The following EVC2 variants were observed in gnomAD, a reference collection of about 807,000 sequenced individuals.
The protein encoded by EVC2 is limbin.
In EVC2, 148 loss-of-function variants were observed where a neutral mutation model predicts 149.3. The ratio of observed to expected loss-of-function variants is 0.99; its 90% confidence interval spans 0.87 to 1.14. The LOEUF (loss-of-function observed/expected upper bound fraction) is 1.14, where lower values mean the gene tolerates loss of function less well. EVC2 is among the 50% of genes most tolerant of loss of function. EVC2 has a pLI of 0.00. For missense variants in EVC2, 1,854 were observed against 1,627.3 expected (o/e 1.14, Z -2.40); for synonymous variants, 776 against 649.9 (o/e 1.19, Z -2.95).
chr4:5,616,735 T>C (rs953288897), intron 15 of EVC2, among the ~76,000 whole-genome samples: 1 of 152,174 alleles, frequency 6.6e-6, no homozygotes, highest in African/African-American at 2.4e-5. Context: ...GAGCTGCGGC[T>C]CCATCCGTGC....
At chr4:5,591,109 C>G (rs1712755970) in intron 16 of EVC2, among the ~76,000 whole-genome samples, 1 of 152,088 alleles carries the variant, frequency 6.6e-6, no homozygotes, top group South Asian at 2.1e-4. Context: ...GACACAGGAC[C>G]CATGAAGGGG....
At chr4:5,574,890 T>C in intron 18 of EVC2, 118 bp from the exon 19 acceptor site, 1 of 1,076,106 alleles carries the variant, frequency 9.3e-7, no homozygotes, top group East Asian at 2.6e-5. Flanking sequence ...TTTAAAAATA[T>C]GTCCATAGAA....
chr4:5,540,735 T>C (rs567818834), downstream of EVC2, among the ~76,000 whole-genome samples: 3 of 152,296 alleles, frequency 2.0e-5, no homozygotes, highest in African/African-American at 4.8e-5. Flanking sequence ...ATTGTCTTGA[T>C]TGTGGTGATG....
intron 1 of EVC2, among the ~76,000 whole-genome samples, chr4:5,702,345 G>C (rs1721878237): frequency 6.6e-6 from 1 of 152,134 alleles, no homozygotes. Flanking sequence ...CCTGCTCCAA[G>C]AATGCAGGTT....
chr4:5,669,375 T>TA (rs1265762556), intron 7 of EVC2, among the ~76,000 whole-genome samples: 2 of 152,306 alleles, frequency 1.3e-5, no homozygotes, highest in East Asian at 3.9e-4. Flanking sequence ...GCAAAGAGAT[T>TA]AAAAAATTAA....
At chr4:5,588,532 C>T (rs969900512) in intron 16 of EVC2, among the ~76,000 whole-genome samples, 1 of 152,152 alleles carries the variant, frequency 6.6e-6, no homozygotes, top group African/African-American at 2.4e-5. Flanking sequence ...ATTACCCACA[C>T]ATTAGGCCGC....
At chr4:5,553,238 G>A (rs1444756430) in intron 21 of EVC2, among the ~76,000 whole-genome samples, 3 of 152,170 alleles carry the variant, frequency 2.0e-5, no homozygotes, top group African/African-American at 4.8e-5. Flanking sequence ...AGGAGCAAGT[G>A]GAGTTGGTGG....
intron 17 of EVC2, among the ~76,000 whole-genome samples, chr4:5,583,168 T>A (rs1260560108): frequency 6.6e-6 from 1 of 152,238 alleles, no homozygotes; most frequent in East Asian, 1.9e-4. Flanking sequence ...TGTAAATGGA[T>A]GTTTTAATGT....
intron 19 of EVC2, among the ~76,000 whole-genome samples, chr4:5,571,556 TCTCCCCACTTC>T (rs1443649800): frequency 3.9e-5 from 6 of 152,102 alleles, no homozygotes. Flanking sequence ...GGACAGCCTC[TCTCCCCACTTC>T]CTCCCTGCTC....
the EVC2 span, among the ~76,000 whole-genome samples, chr4:5,531,584 A>G: frequency 5.3e-5 from 8 of 152,130 alleles, no homozygotes; most frequent in Admixed American, 6.6e-5. Flanking sequence ...TGGCGGCATT[A>G]GATTATCTTA....
intron 14 of EVC2, among the ~76,000 whole-genome samples, chr4:5,620,157 A>G (rs142624249): frequency 2.6e-5 from 4 of 152,268 alleles, no homozygotes; most frequent in South Asian, 2.1e-4. Context: ...ATGGGGCCCA[A>G]CGATTTTTAA....
At chr4:5,607,950 G>A (rs1264264812) in intron 16 of EVC2, among the ~76,000 whole-genome samples, 4 of 152,044 alleles carry the variant, frequency 2.6e-5, no homozygotes, top group Non-Finnish European at 4.4e-5. Flanking sequence ...GGAGGAGACA[G>A]GGGAGGCAGT....
At position 5,622,592 on chromosome 4, in the gene EVC2, C is replaced by T. The variant is rs1023896680; in HGVS notation, c.2446G>A (p.Glu816Lys). The T allele has an allele frequency of 6.2e-7, 1 of 1,613,916 alleles. No individual in the cohort carries two copies. Among genetic ancestry groups the T allele is most frequent in the Non-Finnish European group, 8.5e-7 (1 of 1,180,002 alleles). Residue 816 changes from glutamate to lysine, a missense_variant, in exon 14 of 22, where the codon GAG becomes AAG. Physicochemically the swap from Glu to Lys is moderately conservative, Grantham distance 56. Transcript: ENST00000344408. This position sits in a 1 kb window ranked among gnomAD's most constrained non-coding sequence, Gnocchi z 5.8. Reference sequence around the variant, plus strand: ...TCTGCCTGCTCCTCTGTCACGGCCTCAGGAGCGTCATCCTTCAGTCTCTGC... The same window carrying T: ...TCTGCCTGCTCCTCTGTCACGGCCTTAGGAGCGTCATCCTTCAGTCTCTGC... ...VRQRLKDDAP[E>K]AVTEEQAELR...
Position 5,679,361 on chromosome 4 carries a change from G to A in EVC2, c.870+1899C>T, listed in dbSNP as rs1293874243. 3.9e-5 allele frequency among the ~76,000 whole-genome samples: 6 copies of A among 152,028 alleles called. No individual in the cohort carries two copies. The highest frequency in any genetic ancestry group is 1.3e-4 in the Admixed American group (2 of 15,258). ...AGCAATTCGCATGTCTCAGTCTCCC[G>A]AGTAGCTGGAATCACAGACACGCAC... On this transcript the variant is annotated intron_variant, in intron 7 of 21. Transcript: ENST00000344408. This position sits in a 1 kb window ranked among gnomAD's most constrained non-coding sequence, Gnocchi z 5.1.
intron 6 of EVC2, among the ~76,000 whole-genome samples, chr4:5,684,484 C>G (rs771746730): frequency 4.6e-5 from 7 of 152,140 alleles, no homozygotes; most frequent in Non-Finnish European, 1.0e-4. Flanking sequence ...AAGACTTTCT[C>G]CAGAGGCTGA....
chr4:5,694,225 G>C, intron 3 of EVC2, 110 bp downstream of exon 3: 1 of 1,109,866 alleles, frequency 9.0e-7, no homozygotes, highest in Non-Finnish European at 1.4e-6. Flanking sequence ...GAAAGAGGAG[G>C]AATAGGGTTT....
At chr4:5,672,838 A>G (rs1396971717) in intron 7 of EVC2, among the ~76,000 whole-genome samples, 1 of 152,248 alleles carries the variant, frequency 6.6e-6, no homozygotes, top group African/African-American at 2.4e-5. Context: ...GTTCTGGTGC[A>G]TGCTACAACA....
At chr4:5,667,309 T>C (rs150892168) in intron 7 of EVC2, among the ~76,000 whole-genome samples, 2 of 152,062 alleles carry the variant, frequency 1.3e-5, no homozygotes, top group African/African-American at 2.4e-5. Context: ...TGTTTTCTAA[T>C]ATTTCTACAA....
At chr4:5,540,174 T>G (rs1017121912), downstream of EVC2, among the ~76,000 whole-genome samples, 1 of 152,228 alleles carries the variant, frequency 6.6e-6, no homozygotes, top group African/African-American at 2.4e-5. Context: ...TTTAAAAGAC[T>G]GACCACACTC....
Sources: allele counts gnomAD v4.1 joint callset (sites outside exome capture counted in the v4.1 genomes callset), GRCh38; gene constraint gnomAD v4.1.1; non-coding constraint Gnocchi (gnomAD v3.1); transcripts MANE v1.5; gene names NCBI Gene and HGNC (gene_info 2026-07-23, HGNC 2026-07-21).